Variants in SAAL1 observed in about 807,000 individuals in gnomAD.
The protein encoded by SAAL1 is protein SAAL1.
A neutral mutation model predicts 59.8 loss-of-function variants in SAAL1; 42 were observed. The ratio of observed to expected loss-of-function variants is 0.70; its 90% CI spans 0.55 to 0.91. SAAL1 has a LOEUF of 0.91. Among genes scored for constraint, SAAL1 ranks in the 40% least tolerant of loss-of-function variants. The pLI, the probability that SAAL1 is intolerant of heterozygous loss-of-function variation, is 0.00. For missense variants in SAAL1, 542 were observed against 561.1 expected, an observed-to-expected ratio of 0.97 and a Z score of 0.34; for synonymous variants, 191 against 194.3, an observed-to-expected ratio of 0.98 and a Z score of 0.14.
At chr11:18,099,066 T>C (rs1235393205) in intron 2 of SAAL1, among the ~76,000 whole-genome samples, 1 of 129,700 alleles carries the variant, frequency 7.7e-6, no homozygotes, top group African/African-American at 3.3e-5. Flanking sequence ...AGAGCAAAGC[T>C]AGGATTTGAA....
At chr11:18,091,297 T>C (rs1049176798) in intron 4 of SAAL1, among the ~76,000 whole-genome samples, 2 of 152,238 alleles carry the variant, frequency 1.3e-5, no homozygotes, top group Non-Finnish European at 2.9e-5. Context: ...CAATATAAAT[T>C]GCACCACACT....
intron 11 of SAAL1, 34 bp from the exon 12 acceptor site, chr11:18,080,525 C>T: frequency 1.4e-6 from 2 of 1,452,874 alleles, no homozygotes; most frequent in Non-Finnish European, 1.9e-6. Context: ...AAATCAAACA[C>T]AGAAGAGAAA....
intron 4 of SAAL1, among the ~76,000 whole-genome samples, chr11:18,091,937 T>C (rs928318490): frequency 2.0e-5 from 3 of 152,218 alleles, no homozygotes; most frequent in African/African-American, 7.2e-5. Flanking sequence ...CTAAACTGTT[T>C]TGGATTCCAG....
At chr11:18,086,437 G>A (rs1387318429) in intron 9 of SAAL1, among the ~76,000 whole-genome samples, 3 of 152,080 alleles carry the variant, frequency 2.0e-5, no homozygotes, top group African/African-American at 4.8e-5. Context: ...GGTGGCTCAC[G>A]CCTGTAATCC....
intron 11 of SAAL1, among the ~76,000 whole-genome samples, chr11:18,081,060 C>T (rs1016550866): frequency 3.3e-5 from 5 of 151,872 alleles, no homozygotes; most frequent in East Asian, 1.9e-4. Flanking sequence ...TACATGATGC[C>T]GAGGTTTGAG....
intron 2 of SAAL1, among the ~76,000 whole-genome samples, chr11:18,097,728 A>G (rs528345796): frequency 1.7e-4 from 26 of 152,002 alleles, no homozygotes; most frequent in Non-Finnish European, 3.4e-4. Flanking sequence ...AGTCCCAGCT[A>G]CTTGGGAGGT....
chr11:18,090,562 A>G, intron 4 of SAAL1, 69 bp from the exon 5 acceptor site: 1 of 1,532,776 alleles, frequency 6.5e-7, no homozygotes. Context: ...TTTTCATTTA[A>G]TTTTTTGAAC....
At chr11:18,095,509 T>C (rs182104717) in intron 3 of SAAL1, among the ~76,000 whole-genome samples, 103 of 152,338 alleles carry the variant, frequency 6.8e-4, no homozygotes, top group African/African-American at 2.4e-3. Context: ...GGAAATACAG[T>C]ACAGTGGTTA....
intron 2 of SAAL1, among the ~76,000 whole-genome samples, chr11:18,098,341 A>G (rs534279086): frequency 9.6e-4 from 146 of 152,324 alleles, no homozygotes; most frequent in African/African-American, 3.0e-3. Flanking sequence ...ACAGTGCCTA[A>G]AGGGGCGTAA....
chr11:18,103,469 CCTGGCCAGGGCCA>C, intron 1 of SAAL1, 123 bp from the exon 2 acceptor site: 2 of 744,892 alleles, frequency 2.7e-6, no homozygotes, highest in Non-Finnish European at 4.6e-6. Context: ...AAATTTGATT[CCTGGCCAGGGCCA>C]CTGTCTGTGT....
chr11:18,080,360 A>AAGTTTATTTCTTGTACAGAAGTAATTC lies in SAAL1; in HGVS notation c.*12_*38dup. 2 of 1,269,436 alleles carry AAGTTTATTTCTTGTACAGAAGTAATTC rather than the reference A, an allele frequency of 1.6e-6. No homozygotes were observed. Among genetic ancestry groups the AAGTTTATTTCTTGTACAGAAGTAATTC allele is most frequent in the Admixed American group, 2.3e-5 (1 of 43,872 alleles). The allele number at this position is 1,269,436 out of a possible 1,614,324, so 78.6% of individuals were successfully genotyped here. ...ATTTCAACTGTCAGTGAGAAAAATA[A>AAGTTTATTTCTTGTACAGAAGTAATTC]AGTTTATTTCTTGTACAGAAGTAAT... On this transcript the variant is annotated 3_prime_UTR_variant, in exon 12 of 12. Coordinates refer to ENST00000524803, the MANE Select transcript of SAAL1 (RefSeq NM_138421.3).
chr11:18,082,454 T>C (rs1848421062), intron 10 of SAAL1, among the ~76,000 whole-genome samples: 1 of 152,178 alleles, frequency 6.6e-6, no homozygotes, highest in South Asian at 2.1e-4. Flanking sequence ...ATAAATAGCA[T>C]TTTGACAAAA....
In SAAL1 at chr11:18,081,469, A is replaced by T; in HGVS notation, c.1274T>A (p.Leu425Ter). 6.2e-7 allele frequency: 1 copy of T among 1,614,116 alleles called. No homozygotes were observed. Among genetic ancestry groups the T allele is most frequent in the Non-Finnish European group, 8.5e-7 (1 of 1,179,966 alleles). ...TVAQGVKEGQ[L>*]SKQKCSSAFQ... ...TGCAGAGGAACACTTCTGTTTGCTCAACTGGCCTTCCTTTACTCCCTGAGC... is the reference window on the plus strand; with the variant it reads ...TGCAGAGGAACACTTCTGTTTGCTCTACTGGCCTTCCTTTACTCCCTGAGC... Residue 425 changes from leucine (L) to a stop codon, truncating the protein, a stop_gained, in exon 11 of 12, where the codon TTG becomes TAG. Transcript: ENST00000524803. LOFTEE classifies it high-confidence loss of function.
chr11:18,082,939 T>C (rs377579399), intron 10 of SAAL1, among the ~76,000 whole-genome samples: 1 of 152,208 alleles, frequency 6.6e-6, no homozygotes, highest in Non-Finnish European at 1.5e-5. Flanking sequence ...TCTTAAGGAA[T>C]ACTCTTTAAA....
At chr11:18,101,934 T>C (rs1848638520) in intron 2 of SAAL1, among the ~76,000 whole-genome samples, 1 of 152,048 alleles carries the variant, frequency 6.6e-6, no homozygotes, top group East Asian at 1.9e-4. Flanking sequence ...TATAAAACTC[T>C]AGAATACATA....
intron 2 of SAAL1, among the ~76,000 whole-genome samples, chr11:18,099,691 G>C (rs1458335557): frequency 6.7e-6 from 1 of 148,732 alleles, no homozygotes; most frequent in Non-Finnish European, 1.5e-5. Context: ...ATTCTGACTG[G>C]AGTGTCTGGG....
intron 3 of SAAL1, among the ~76,000 whole-genome samples, chr11:18,092,653 G>A (rs536937847): frequency 6.2e-4 from 94 of 152,308 alleles, no homozygotes; most frequent in African/African-American, 2.2e-3. Flanking sequence ...ATCAGCAAAG[G>A]CAGGAAGGGA....
chr11:18,086,497 G>A (rs1451269210), intron 9 of SAAL1, among the ~76,000 whole-genome samples: 4 of 152,064 alleles, frequency 2.6e-5, no homozygotes, highest in African/African-American at 4.8e-5. Context: ...TCGGGAGTTC[G>A]AGCCCAGCCT....
Position 18,089,524 on chromosome 11 carries a change from AAC to A in SAAL1, c.590-16_590-15del. ...CCAGCAAGTCAACTGCAGAGAATAAAACAGATATTGAAATGAAAAACAAACTG... is the reference window on the plus strand; with the variant it reads ...CCAGCAAGTCAACTGCAGAGAATAAAAGATATTGAAATGAAAAACAAACTG... On this transcript the variant is annotated splice_polypyrimidine_tract_variant and intron_variant, in intron 6 of 11. Coordinates refer to ENST00000524803, the MANE Select transcript of SAAL1 (RefSeq NM_138421.3). The A allele has an allele frequency of 6.3e-7, 1 of 1,597,584 alleles. No individual in the cohort carries two copies. The highest frequency in any genetic ancestry group is 8.5e-7 in the Non-Finnish European group (1 of 1,175,446).
Sources: gnomAD v4.1 joint callset for allele counts (sites outside exome capture counted in the v4.1 genomes callset) on GRCh38, gnomAD v4.1.1 for gene constraint, MANE v1.5 for transcripts, NCBI Gene and HGNC (gene_info 2026-07-23, HGNC 2026-07-21) for gene names.